The following PRDM2 variants were observed in gnomAD, a reference collection of about 807,000 sequenced individuals.
PRDM2 encodes PR domain zinc finger protein 2.
PRDM2 carries 30 observed loss-of-function variants against 130.0 expected under a neutral mutation model. The ratio of observed to expected loss-of-function variants is 0.23; its 90% CI spans 0.17 to 0.31. The LOEUF (loss-of-function observed/expected upper bound fraction) is 0.31, where lower values mean the gene tolerates loss of function less well. PRDM2 is among the 10% of genes least tolerant of loss of function. The pLI is 1.00. For synonymous variants in PRDM2, 871 were observed against 782.4 expected, an observed-to-expected ratio of 1.11 and a Z score of -1.89; for missense variants, 2,011 against 2,108.4, an observed-to-expected ratio of 0.95 and a Z score of 0.90.
At chr1:13,786,564 A>G in intron 8 of PRDM2, 1 of 1,606,276 alleles carries the variant, frequency 6.2e-7, no homozygotes, top group Non-Finnish European at 8.5e-7. Flanking sequence ...TAATTGACTA[A>G]AAAGTATTGC....
At chr1:13,750,352 T>A (rs558827738) in intron 6 of PRDM2, among the ~76,000 whole-genome samples, 1 of 152,056 alleles carries the variant, frequency 6.6e-6, no homozygotes, top group Non-Finnish European at 1.5e-5. Context: ...GTTAGTTTCT[T>A]ATTGATACAA....
intron 4 of PRDM2, among the ~76,000 whole-genome samples, chr1:13,734,457 TTAAG>T (rs2100482913): frequency 6.6e-6 from 1 of 152,348 alleles, no homozygotes; most frequent in East Asian, 1.9e-4. Context: ...AATATTAAAC[TTAAG>T]TTAGTAGTAC....
intron 3 of PRDM2, 63 bp downstream of exon 3, chr1:13,731,180 C>CT: frequency 7.6e-7 from 1 of 1,317,934 alleles, no homozygotes; most frequent in Non-Finnish European, 1.1e-6. Context: ...GTGAGGCTTC[C>CT]TGCAGGGGCA....
rs770279335 is a variant in PRDM2, at chr1:13,823,311, G to A, written c.*176G>A. 2.2e-5 allele frequency: 25 copies of A among 1,130,884 alleles called. No individual in the cohort carries two copies. Among genetic ancestry groups the A allele is most frequent in the Admixed American group, 1.2e-4 (6 of 49,110 alleles). 70.1% of individuals were successfully genotyped at this position (1,130,884 alleles called of 1,614,324 possible). On this transcript the variant is annotated 3_prime_UTR_variant, in exon 10 of 10. Transcript: ENST00000311066. ...CGTGCGTGTGTGTTCACGTGTTCTCGTGCGGGCGCGTGAGTGGTCTTCAAA... is the reference window on the plus strand; with the variant it reads ...CGTGCGTGTGTGTTCACGTGTTCTCATGCGGGCGCGTGAGTGGTCTTCAAA...
chr1:13,771,195 G>A lies in PRDM2; in HGVS notation c.512-1883G>A, dbSNP rs1644352473. Among the ~76,000 whole-genome samples the A allele has an allele frequency of 6.6e-6, 1 of 152,334 alleles. No individual in the cohort carries two copies. Among genetic ancestry groups the A allele is most frequent in the African/African-American group, 2.4e-5 (1 of 41,566 alleles). ...CCTGTGGAAAGGTGCTTAGATGTTT[G>A]TGCCCCTTATGGAGGGGATTGGCTT... On this transcript the variant is annotated intron_variant, in intron 6 of 9. Coordinates refer to ENST00000311066, the MANE Select transcript of PRDM2 (RefSeq NM_001393986.1). This position sits in a 1 kb window ranked among gnomAD's most constrained non-coding sequence, Gnocchi z 4.1.
rs1362370628 is a variant in PRDM2, at chr1:13,771,791, C to G, written c.512-1287C>G. On this transcript the variant is annotated intron_variant, in intron 6 of 9. Transcript: ENST00000311066. This position sits in a 1 kb window ranked among gnomAD's most constrained non-coding sequence, Gnocchi z 4.1. ...TTTAGAATTTACGTTTTAAGACTAA[C>G]AAGCAAAATGACTGTTAAGGTTATG... is the stretch of plus-strand genomic sequence containing the variant. The G allele has an allele frequency of 6.6e-6, 1 of 152,198 alleles. No individual in the cohort carries two copies. Among genetic ancestry groups the G allele is most frequent in the Non-Finnish European group, 1.5e-5 (1 of 68,030 alleles). 9.4% of individuals were successfully genotyped at this position (152,198 alleles called of 1,614,324 possible).
In PRDM2 at chr1:13,781,974, C is replaced by T. The variant is rs577250035; in HGVS notation, c.4179C>T (p.Ala1393=). ...VVVLDNSGKN[A]FRRMGQPKRL... is the part of the protein sequence containing the mutation. ...TTTTAGATAACTCTGGGAAAAATGC[C>T]TTCCGACGAATGGGACAGCCCAAAA... The change falls in exon 8 of 10, where the codon GCC becomes GCT. Residue 1393 remains alanine, a synonymous_variant. Coordinates refer to ENST00000311066, the MANE Select transcript of PRDM2 (RefSeq NM_001393986.1). The surrounding 1 kb of genome is among the most constrained non-coding windows in gnomAD (Gnocchi z 6.1). The T allele has an allele frequency of 8.1e-6, 13 of 1,614,078 alleles. No homozygotes were observed. The highest frequency in any genetic ancestry group is 1.3e-5 in the African/African-American group (1 of 74,916).
rs990475752 is a variant in PRDM2, at chr1:13,803,282, G to A, written c.5037-13145G>A. Among the ~76,000 whole-genome samples the A allele has an allele frequency of 6.6e-6, 1 of 152,230 alleles. No individual in the cohort carries two copies. The highest frequency in any genetic ancestry group is 2.4e-5 in the African/African-American group (1 of 41,448). On this transcript the variant is annotated intron_variant, in intron 8 of 9. Transcript: ENST00000311066. This position sits in a 1 kb window ranked among gnomAD's most constrained non-coding sequence, Gnocchi z 6.2. ...ACATTTCAGGGTTGAACCGCACCAG[G>A]AGCCTGGCTTTGCCATCCATTTGTT...
At chr1:13,717,875 A>G (rs1642595628) in intron 2 of PRDM2, among the ~76,000 whole-genome samples, 2 of 152,156 alleles carry the variant, frequency 1.3e-5, no homozygotes, top group South Asian at 2.1e-4. Context: ...TTTTATTTGG[A>G]TTATAAAAAT....
At chr1:13,752,682 C>G (rs941519691) in intron 6 of PRDM2, among the ~76,000 whole-genome samples, 3 of 152,176 alleles carry the variant, frequency 2.0e-5, no homozygotes. Context: ...CTCTCAGTTA[C>G]ATAAGAGCCT....
intron 8 of PRDM2, among the ~76,000 whole-genome samples, chr1:13,791,486 C>T (rs1021672601): frequency 4.6e-5 from 7 of 152,188 alleles, no homozygotes; most frequent in Non-Finnish European, 1.5e-5. Flanking sequence ...CCTCAAGCAT[C>T]TCCTCAGATA....
chr1:13,738,416 G>A (rs910100832), intron 4 of PRDM2, among the ~76,000 whole-genome samples: 11 of 152,196 alleles, frequency 7.2e-5, no homozygotes, highest in Non-Finnish European at 1.2e-4. Flanking sequence ...TCCAGTGGCC[G>A]TTCACTGGGG....
intron 8 of PRDM2, among the ~76,000 whole-genome samples, chr1:13,800,105 C>T (rs916554184): frequency 1.3e-5 from 2 of 152,196 alleles, no homozygotes; most frequent in Non-Finnish European, 2.9e-5. Flanking sequence ...GCGGGGCCTA[C>T]GCCTGCTGTT....
chr1:13,781,456 C>T lies in PRDM2; in HGVS notation c.3661C>T (p.His1221Tyr). 2 of 1,613,838 alleles carry T rather than the reference C, an allele frequency of 1.2e-6. No individual in the cohort carries two copies. The highest frequency in any genetic ancestry group is 1.3e-5 in the African/African-American group (1 of 75,014). ...TCTCCACCCAGATAAGGTGTGCACA[C>T]ATCACGAGTTTGAAAGCGGGACTCT... ...RDLHPDKVCTHHEFESGTLRP... is the reference protein window; with the variant it reads ...RDLHPDKVCTYHEFESGTLRP... The change falls in exon 8 of 10, where the codon CAT becomes TAT. Residue 1221 changes from histidine to tyrosine, a missense_variant. Physicochemically the swap from His to Tyr is moderately conservative, Grantham distance 83. Transcript: ENST00000311066. This position sits in a 1 kb window ranked among gnomAD's most constrained non-coding sequence, Gnocchi z 6.1.
At chr1:13,821,044 C>CG (rs60788477) in intron 9 of PRDM2, among the ~76,000 whole-genome samples, 113,711 of 151,876 alleles carry the variant, frequency 0.75, 42,847 homozygotes, top group Middle Eastern at 0.79. Flanking sequence ...CCAGCCCCAT[C>CG]AGACATTTCA....
At chr1:13,748,017 G>C (rs1390826578) in intron 5 of PRDM2, among the ~76,000 whole-genome samples, 1 of 152,124 alleles carries the variant, frequency 6.6e-6, no homozygotes, top group Non-Finnish European at 1.5e-5. Flanking sequence ...TAACCTTTCA[G>C]TTTTGAGAAC....
At chr1:13,715,672 T>C in intron 2 of PRDM2, 58 bp downstream of exon 2, 1 of 1,456,536 alleles carries the variant, frequency 6.9e-7, no homozygotes. Context: ...GACCAGCTCT[T>C]GATTTTTACA....
At chr1:13,775,543 T>C (rs1001363502) in intron 7 of PRDM2, among the ~76,000 whole-genome samples, 1 of 152,202 alleles carries the variant, frequency 6.6e-6, no homozygotes, top group Non-Finnish European at 1.5e-5. Context: ...GAAGGCTGTT[T>C]CTGTTTGGAA....
intron 8 of PRDM2, among the ~76,000 whole-genome samples, chr1:13,799,637 G>T (rs1176273767): frequency 6.6e-6 from 1 of 152,152 alleles, no homozygotes; most frequent in Non-Finnish European, 1.5e-5. Context: ...TGGAAATCCT[G>T]ACCACTGCTC....
Sources: allele counts gnomAD v4.1 joint callset (sites outside exome capture counted in the v4.1 genomes callset), GRCh38; gene constraint gnomAD v4.1.1; non-coding constraint Gnocchi (gnomAD v3.1); transcripts MANE v1.5; gene names NCBI Gene and HGNC (gene_info 2026-07-23, HGNC 2026-07-21).